Variants in ZNF469 observed in about 807,000 individuals in gnomAD.
ZNF469 encodes the protein zinc finger protein 469.
ZNF469 carries 1 observed loss-of-function variant against 1.0 expected under a neutral mutation model. The ratio of observed to expected loss-of-function variants is 1.00; its 90% CI spans 0.35 to 4.73. The LOEUF (loss-of-function observed/expected upper bound fraction) is 4.73. ZNF469 is among the 30% of genes most tolerant of loss of function. The pLI, the probability that ZNF469 is intolerant of heterozygous loss-of-function variation, is 0.16. For missense variants in ZNF469, 6,100 were observed against 5,356.3 expected (o/e 1.14, Z -4.33); for synonymous variants, 2,703 against 2,363.4 (o/e 1.14, Z -4.17).
At position 88,437,670 on chromosome 16, in the gene ZNF469, G is replaced by A. The variant is rs1321947917; in HGVS notation, c.10200G>A (p.Pro3400=). ...AGCGGCCGGAGCTGCAGCACACGCC[G>A]CTGTATGCCTGCGAGCTCTGCGCCA... The part of the protein sequence containing the change: ...LLERPELQHT[P]LYACELCATV... Residue 3400 remains proline, a synonymous_variant, in exon 3 of 3, where the codon CCG becomes CCA. Transcript: ENST00000565624. 3 of 1,548,848 alleles carry A rather than the reference G, an allele frequency of 1.9e-6. No homozygotes were observed. Among genetic ancestry groups the A allele is most frequent in the Non-Finnish European group, 2.6e-6 (3 of 1,146,052 alleles).
the ZNF469 span, among the ~76,000 whole-genome samples, chr16:88,238,786 C>A: frequency 6.6e-6 from 1 of 152,240 alleles, no homozygotes; most frequent in Non-Finnish European, 1.5e-5. Context: ...CTGTGATAAT[C>A]CACCAGAGCC....
chr16:88,191,701 T>G, the ZNF469 span: 1 of 151,062 alleles, frequency 6.6e-6, no homozygotes, highest in Non-Finnish European at 1.5e-5. Context: ...TTTCTTCACT[T>G]CTTCATTCCC....
chr16:88,110,845 C>T, the ZNF469 span, among the ~76,000 whole-genome samples: 65 of 152,334 alleles, frequency 4.3e-4, no homozygotes, highest in Admixed American at 1.0e-3. Flanking sequence ...GCAGCTCAGC[C>T]GGGTGTAGCC....
the ZNF469 span, among the ~76,000 whole-genome samples, chr16:88,228,609 T>A: frequency 6.6e-6 from 1 of 152,234 alleles, no homozygotes; most frequent in Non-Finnish European, 1.5e-5. Context: ...AACTCCTGTT[T>A]TTTTGCAAAA....
At chr16:88,101,600 C>T in the ZNF469 span, among the ~76,000 whole-genome samples, 1 of 151,024 alleles carries the variant, frequency 6.6e-6, no homozygotes, top group African/African-American at 2.4e-5. Context: ...GGGCTGGGTG[C>T]CCCGGCCACC....
the ZNF469 span, among the ~76,000 whole-genome samples, chr16:88,182,606 T>C: frequency 6.6e-6 from 1 of 152,062 alleles, no homozygotes; most frequent in Non-Finnish European, 1.5e-5. Context: ...CAATAGATCT[T>C]TTTCAACAAA....
rs1905605558 is a variant in ZNF469, at chr16:88,424,246, A to T, written c.-191-561A>T. Among the ~76,000 whole-genome samples, 1 of 152,178 alleles carries T rather than the reference A, an allele frequency of 6.6e-6. No individual in the cohort carries two copies. The highest frequency in any genetic ancestry group is 1.5e-5 in the Non-Finnish European group (1 of 68,026). ...AAACCTCTTCACGGAATGTTGTGGG[A>T]TTATCTACAGGATATGTTGTTACAT... On this transcript the variant is annotated intron_variant, in intron 1 of 2. Coordinates refer to ENST00000565624, the MANE Select transcript of ZNF469 (RefSeq NM_001367624.2). The surrounding 1 kb of genome is among the most constrained non-coding windows in gnomAD (Gnocchi z 4.3).
chr16:88,166,614 G>GT, the ZNF469 span, among the ~76,000 whole-genome samples: 1 of 152,040 alleles, frequency 6.6e-6, no homozygotes, highest in Admixed American at 6.5e-5. This position sits in a 1 kb window ranked among gnomAD's most constrained non-coding sequence, Gnocchi z 4.5. Context: ...ATCAAAAATA[G>GT]TTTTTTTAGT....
intron 1 of ZNF469, among the ~76,000 whole-genome samples, chr16:88,408,704 C>T (rs1303078704): frequency 6.6e-6 from 1 of 152,182 alleles, no homozygotes; most frequent in East Asian, 1.9e-4. Context: ...GCCGGGGCCA[C>T]ATGGGCTTCC....
At chr16:88,258,995 T>A in the ZNF469 span, among the ~76,000 whole-genome samples, 2 of 152,198 alleles carry the variant, frequency 1.3e-5, no homozygotes, top group African/African-American at 4.8e-5. Context: ...CCAAAACTCG[T>A]GGGAGTATTT....
chr16:88,302,228 T>C, the ZNF469 span, among the ~76,000 whole-genome samples: 5,886 of 152,294 alleles, frequency 0.039, 371 homozygotes, highest in African/African-American at 0.14. Flanking sequence ...GACCCGCTGT[T>C]CCCGCTGCTG....
intron 1 of ZNF469, among the ~76,000 whole-genome samples, chr16:88,423,604 C>G (rs1162162165): frequency 1.3e-5 from 2 of 152,198 alleles, no homozygotes; most frequent in African/African-American, 4.8e-5. Flanking sequence ...GCGGGTGGTT[C>G]TGGCTCAAAT....
chr16:88,233,899 G>A, the ZNF469 span, among the ~76,000 whole-genome samples: 547 of 152,308 alleles, frequency 3.6e-3, 4 homozygotes, highest in African/African-American at 0.012. Context: ...CCGCAGCCCC[G>A]TCTGAAGCCC....
At chr16:88,207,840 G>A in the ZNF469 span, among the ~76,000 whole-genome samples, 5 of 151,464 alleles carry the variant, frequency 3.3e-5, no homozygotes, top group African/African-American at 1.2e-4. Context: ...CCCTGGATAA[G>A]CCACATCACC....
chr16:88,209,813 T>C, the ZNF469 span, among the ~76,000 whole-genome samples: 2 of 152,232 alleles, frequency 1.3e-5, no homozygotes, highest in Non-Finnish European at 2.9e-5. Flanking sequence ...CTCCTGTCTG[T>C]GGGCATTCCA....
the ZNF469 span, among the ~76,000 whole-genome samples, chr16:88,169,713 C>T: frequency 1.3e-5 from 2 of 152,218 alleles, no homozygotes; most frequent in Admixed American, 6.5e-5. This position sits in a 1 kb window ranked among gnomAD's most constrained non-coding sequence, Gnocchi z 6.1. Context: ...TCTGCCCCTC[C>T]GTCCCAGCAC....
chr16:88,288,004 C>G, the ZNF469 span, among the ~76,000 whole-genome samples: 5 of 152,258 alleles, frequency 3.3e-5, no homozygotes, highest in South Asian at 8.3e-4. Flanking sequence ...CAAACTCACT[C>G]CAGTTGTATA....
At chr16:88,382,232 G>A (rs1429890626), upstream of ZNF469, among the ~76,000 whole-genome samples, 1 of 152,156 alleles carries the variant, frequency 6.6e-6, no homozygotes, top group Non-Finnish European at 1.5e-5. Context: ...GGGCCAGGGG[G>A]CTCTGCCTGG....
the ZNF469 span, among the ~76,000 whole-genome samples, chr16:88,206,359 G>C: frequency 6.6e-6 from 1 of 152,180 alleles, no homozygotes; most frequent in Admixed American, 6.5e-5. Context: ...GGGTCTGGGC[G>C]CCTCCCTTGG....
Sources: allele counts gnomAD v4.1 joint callset (sites outside exome capture counted in the v4.1 genomes callset), GRCh38; gene constraint gnomAD v4.1.1; non-coding constraint Gnocchi (gnomAD v3.1); transcripts MANE v1.5; gene names NCBI Gene and HGNC (gene_info 2026-07-23, HGNC 2026-07-21).